Variants in JADE3 observed in about 807,000 individuals in gnomAD.
JADE3 encodes jade family PHD finger 3.
A neutral mutation model predicts 50.1 loss-of-function variants in JADE3; 2 were observed. That is an observed-to-expected ratio of 0.04 (90% CI 0.02 to 0.13). The LOEUF (loss-of-function observed/expected upper bound fraction) is 0.13. JADE3 is among the 10% of genes least tolerant of loss of function. The pLI, the probability that JADE3 is intolerant of heterozygous loss-of-function variation, is 1.00. For missense variants in JADE3, 475 were observed against 634.4 expected (o/e 0.75, Z 2.70); for synonymous variants, 218 against 232.9 (o/e 0.94, Z 0.58).
intron 1 of JADE3, among the ~76,000 whole-genome samples, chrX:46,951,103 G>A (rs1926991393): frequency 1.9e-5 from 2 of 106,655 alleles, no homozygotes; most frequent in African/African-American, 6.7e-5. Context: ...TTTTGAGACA[G>A]AGTCTCGCTC....
At chrX:47,034,617 T>A (rs892569160) in intron 7 of JADE3, among the ~76,000 whole-genome samples, 57 of 110,231 alleles carry the variant, frequency 5.2e-4, no homozygotes, top group African/African-American at 1.6e-3. Context: ...ATTTTATTTT[T>A]GAGACAGAGT....
chrX:46,972,262 C>A (rs1431814003), intron 1 of JADE3, among the ~76,000 whole-genome samples: 1 of 109,142 alleles, frequency 9.2e-6, no homozygotes, highest in Admixed American at 9.8e-5. Context: ...AGTGCATGAT[C>A]TTGGCTCACT....
At chrX:46,923,393 C>CTCTTTTTTTTTTTTTTTTT (rs1556338199) in intron 1 of JADE3, among the ~76,000 whole-genome samples, 1 of 11,522 alleles carries the variant, frequency 8.7e-5, no homozygotes, top group African/African-American at 2.0e-4. Context: ...CTCTCTCTCT[C>CTCTTTTTTTTTTTTTTTTT]TTTTTTTTTT....
At chrX:46,956,594 A>G (rs1348180990) in intron 1 of JADE3, among the ~76,000 whole-genome samples, 1 of 98,645 alleles carries the variant, frequency 1.0e-5, no homozygotes, top group Non-Finnish European at 2.1e-5. Context: ...TCGCGCAATC[A>G]TGGCTCAGTG....
At chrX:47,051,967 G>A (rs1214554104) in intron 8 of JADE3, among the ~76,000 whole-genome samples, 2 of 110,023 alleles carry the variant, frequency 1.8e-5, no homozygotes, top group African/African-American at 6.6e-5. Context: ...GGTGGCGCAC[G>A]CCTATAATCC....
chrX:46,957,484 G>A (rs1569535294), intron 1 of JADE3, among the ~76,000 whole-genome samples: 2 of 112,233 alleles, frequency 1.8e-5, no homozygotes, highest in Admixed American at 9.4e-5. Flanking sequence ...GAGGTTAGGC[G>A]TGGCCCTGTG....
At chrX:46,917,462 C>T (rs1412691411) in intron 1 of JADE3, among the ~76,000 whole-genome samples, 1 of 110,823 alleles carries the variant, frequency 9.0e-6, no homozygotes, top group Non-Finnish European at 1.9e-5. Flanking sequence ...GGTAACTTGC[C>T]CAAGGTCACG....
Position 46,924,082 on chromosome X carries a change from A to G in JADE3, c.-12+11363A>G, listed in dbSNP as rs368227505. 5.4e-3 allele frequency among the ~76,000 whole-genome samples: 603 copies of G among 111,747 alleles called. 2 individuals carry two copies. Among genetic ancestry groups the G allele is most frequent in the South Asian group, 0.024 (63 of 2,654 alleles). On this transcript the variant is annotated intron_variant, in intron 1 of 10. Coordinates refer to ENST00000614628, the MANE Select transcript of JADE3 (RefSeq NM_014735.5). The stretch of plus-strand genomic sequence containing the variant: ...ACCATGGGTTTCAAGTCCTTCCCCC[A>G]AAGACTAAGCCTTTTTTTCTGTATT...
intron 6 of JADE3, among the ~76,000 whole-genome samples, chrX:47,031,992 G>A (rs377324990): frequency 8.9e-6 from 1 of 112,114 alleles, no homozygotes. Context: ...GACCTGAGCA[G>A]GATTTTTGGA....
chrX:46,949,741 G>A (rs192173172), intron 1 of JADE3, among the ~76,000 whole-genome samples: 2 of 111,563 alleles, frequency 1.8e-5, no homozygotes, highest in East Asian at 2.8e-4. Context: ...CCCTCTAAGC[G>A]GAGGTAGCTA....
chrX:46,992,926 G>A (rs1928049567), intron 3 of JADE3, among the ~76,000 whole-genome samples: 1 of 111,393 alleles, frequency 9.0e-6, no homozygotes, highest in South Asian at 3.8e-4. Context: ...ATTGTATACA[G>A]ATTTTTAAGG....
chrX:46,985,766 C>G lies in JADE3; in HGVS notation c.100C>G (p.Pro34Ala). ...AATGTATAGGATCAAGTCAAAAATTCCAAATGAACACAAGAAACCTGCTGA... is the reference window on the plus strand; with the variant it reads ...AATGTATAGGATCAAGTCAAAAATTGCAAATGAACACAAGAAACCTGCTGA... ...GSMYRIKSKI[P>A]NEHKKPAEVF... The change falls in exon 3 of 11, where the codon CCA becomes GCA. Residue 34 changes from proline to alanine, a missense_variant. Pro to Ala is a conservative substitution (Grantham distance 27, BLOSUM62 -1). This residue lies in a region of JADE3 where 31 missense variants were observed against 29.3 expected (regional missense o/e 1.06). Transcript: ENST00000614628. The G allele has an allele frequency of 8.4e-7, 1 of 1,196,282 alleles. No individual in the cohort carries two copies. Among genetic ancestry groups the G allele is most frequent in the Non-Finnish European group, 1.1e-6 (1 of 881,748 alleles).
At chrX:46,946,985 G>A (rs1328960548) in intron 1 of JADE3, among the ~76,000 whole-genome samples, 2 of 111,858 alleles carry the variant, frequency 1.8e-5, no homozygotes, top group African/African-American at 3.3e-5. Context: ...CCATCAGCAT[G>A]AGAGTTGCTT....
At chrX:47,016,193 G>A (rs1321865558) in intron 4 of JADE3, among the ~76,000 whole-genome samples, 1 of 111,042 alleles carries the variant, frequency 9.0e-6, no homozygotes, top group Non-Finnish European at 1.9e-5. Flanking sequence ...CCACCTAACA[G>A]CAAAGGGGGC....
rs1926521105 is a variant in JADE3, at chrX:46,932,593, T to C, written c.-12+19874T>C. Reference sequence around the variant, plus strand: ...TTTAATTTTGAAAATTATATTTCGATACCCAAACATTCTACAACATTGCCT... The same window carrying C: ...TTTAATTTTGAAAATTATATTTCGACACCCAAACATTCTACAACATTGCCT... On this transcript the variant is annotated intron_variant, in intron 1 of 10. Coordinates refer to ENST00000614628, the MANE Select transcript of JADE3 (RefSeq NM_014735.5). 4.5e-5 allele frequency among the ~76,000 whole-genome samples: 5 copies of C among 112,087 alleles called. No homozygotes were observed. The South Asian group carries it at 1.5e-3, about 33-fold the overall frequency.
At position 47,028,532 on chromosome X, in the gene JADE3, G is replaced by C. The variant is rs907143124; in HGVS notation, c.687+429G>C. ...GTCCAGACTCCTTATCCTGGCACTT[G>C]TAACCCTCCCCCATCCCCTAAACAT... On this transcript the variant is annotated intron_variant, in intron 6 of 10. Transcript: ENST00000614628. 1.5e-4 allele frequency among the ~76,000 whole-genome samples: 16 copies of C among 110,146 alleles called. No individual in the cohort carries two copies. In the East Asian group the frequency reaches 4.3e-3, roughly 30 times the overall value.
intron 4 of JADE3, among the ~76,000 whole-genome samples, chrX:47,003,712 A>C (rs924984250): frequency 2.0e-5 from 2 of 100,374 alleles, no homozygotes; most frequent in Non-Finnish European, 3.9e-5. Context: ...GTATATATAA[A>C]AATTACAAAT....
intron 1 of JADE3, among the ~76,000 whole-genome samples, chrX:46,977,001 G>A (rs1320238002): frequency 9.0e-6 from 1 of 111,522 alleles, no homozygotes; most frequent in Non-Finnish European, 1.9e-5. Flanking sequence ...TCCTTCTATG[G>A]GGCTTTTCTT....
chrX:46,955,746 A>G (rs782412228), intron 1 of JADE3, among the ~76,000 whole-genome samples: 37 of 111,375 alleles, frequency 3.3e-4, no homozygotes, highest in Non-Finnish European at 6.4e-4. Context: ...ATTCCTTCCC[A>G]GTGCAGGAAT....
Sources: gnomAD v4.1 joint callset for allele counts (sites outside exome capture counted in the v4.1 genomes callset) on GRCh38, gnomAD v4.1.1 for gene constraint, gnomAD v4.1.1 regional missense constraint, MANE v1.5 for transcripts, NCBI Gene and HGNC (gene_info 2026-07-23, HGNC 2026-07-21) for gene names.